FOXP1: variants seen among roughly 807,000 people sequenced by gnomAD.
The protein encoded by FOXP1 is forkhead box P1.
A neutral mutation model predicts 98.2 loss-of-function variants in FOXP1; 15 were observed. That is an observed-to-expected ratio of 0.15 (90% CI 0.10 to 0.24). The LOEUF (loss-of-function observed/expected upper bound fraction) is 0.24. FOXP1 is among the 10% of genes least tolerant of loss of function. FOXP1 has a pLI of 1.00. For missense variants in FOXP1, 633 were observed against 848.5 expected (o/e 0.75, Z 3.15); for synonymous variants, 371 against 314.5 (o/e 1.18, Z -1.90).
chr3:71,492,942 C>CA (rs879565865), intron 3 of FOXP1, among the ~76,000 whole-genome samples: 39 of 152,240 alleles, frequency 2.6e-4, no homozygotes, highest in South Asian at 1.7e-3. Context: ...AGAAGTCTTT[C>CA]AAAAAATCTT....
At chr3:71,410,262 T>G (rs1000291456) in intron 3 of FOXP1, among the ~76,000 whole-genome samples, 2 of 152,232 alleles carry the variant, frequency 1.3e-5, no homozygotes, top group Admixed American at 6.5e-5. Flanking sequence ...TCTACCAGAC[T>G]GAAGCTTCTG....
At chr3:71,064,056 T>C (rs1290359205) in intron 7 of FOXP1, among the ~76,000 whole-genome samples, 1 of 152,156 alleles carries the variant, frequency 6.6e-6, no homozygotes, top group African/African-American at 2.4e-5. Flanking sequence ...TTCCTCAGTC[T>C]GCTGCACGTC....
chr3:71,117,601 A>AAGAG (rs1261643245), intron 6 of FOXP1, among the ~76,000 whole-genome samples: 1 of 152,092 alleles, frequency 6.6e-6, no homozygotes, highest in African/African-American at 2.4e-5. Context: ...AAGCAGCAGA[A>AAGAG]AGAGAGAGAC....
At chr3:71,568,820 T>C (rs1240208529) in intron 2 of FOXP1, among the ~76,000 whole-genome samples, 2 of 152,146 alleles carry the variant, frequency 1.3e-5, no homozygotes, top group Non-Finnish European at 2.9e-5. Context: ...CTAATTTTTG[T>C]ATTTTTAGTA....
chr3:71,511,794 A>G (rs2042223374), intron 2 of FOXP1, among the ~76,000 whole-genome samples: 1 of 152,358 alleles, frequency 6.6e-6, no homozygotes, highest in East Asian at 1.9e-4. Context: ...TTTTTAAAAG[A>G]GAAACTTGAA....
chr3:70,977,315 C>T (rs563452615), intron 16 of FOXP1, among the ~76,000 whole-genome samples: 1 of 152,232 alleles, frequency 6.6e-6, no homozygotes, highest in African/African-American at 2.4e-5. Flanking sequence ...AAATGCAAAA[C>T]ATTTCACTAG....
intron 6 of FOXP1, among the ~76,000 whole-genome samples, chr3:71,129,334 C>A (rs1388945197): frequency 6.6e-6 from 1 of 152,136 alleles, no homozygotes; most frequent in African/African-American, 2.4e-5. Flanking sequence ...GCCACCATAG[C>A]GATAGCAATA....
intron 2 of FOXP1, among the ~76,000 whole-genome samples, chr3:71,544,160 A>G (rs1204250846): frequency 6.6e-6 from 1 of 152,002 alleles, no homozygotes; most frequent in Non-Finnish European, 1.5e-5. Context: ...ATGCCGTAGC[A>G]GTATTAAAAA....
At chr3:71,440,507 C>T (rs561460149) in intron 3 of FOXP1, among the ~76,000 whole-genome samples, 2 of 152,174 alleles carry the variant, frequency 1.3e-5, no homozygotes, top group South Asian at 2.1e-4. Flanking sequence ...GAAACCCCGT[C>T]TCTACTAAAA....
In FOXP1 at chr3:70,956,000, A is replaced by G. The variant is rs894080847; in HGVS notation, c.*3247T>C. The G allele has an allele frequency of 6.9e-5, 16 of 233,196 alleles. No homozygotes were observed. The highest frequency in any genetic ancestry group is 3.6e-4 in the South Asian group (2 of 5,538). The allele number at this position is 233,196 out of a possible 1,614,324, so 14.4% of individuals were successfully genotyped here. The stretch of plus-strand genomic sequence containing the variant: ...GTCATCCAATATTCTTAAAGCAAGG[A>G]TAACTAAATAAAATACATGTGCAGC... On this transcript the variant is annotated 3_prime_UTR_variant, in exon 21 of 21. Transcript: ENST00000649528.
intron 7 of FOXP1, 45 bp from the exon 8 acceptor site, chr3:71,053,818 G>C (rs768685608): frequency 6.2e-7 from 1 of 1,612,262 alleles, no homozygotes; most frequent in Non-Finnish European, 8.5e-7. Context: ...GAAATCAGAA[G>C]CACGCAGCCT....
intron 7 of FOXP1, among the ~76,000 whole-genome samples, chr3:71,109,486 C>T (rs1378322151): frequency 6.6e-6 from 1 of 151,848 alleles, no homozygotes; most frequent in African/African-American, 2.4e-5. Flanking sequence ...TCAAGCCTTC[C>T]TCTATGCAGA....
intron 12 of FOXP1, among the ~76,000 whole-genome samples, chr3:71,012,481 AT>A (rs765345411): frequency 1.6e-4 from 24 of 152,318 alleles, no homozygotes; most frequent in Non-Finnish European, 3.1e-4. Flanking sequence ...TCTAGAAGCA[AT>A]TTTGGACATC....
chr3:71,062,243 T>A (rs1046909332), intron 7 of FOXP1, among the ~76,000 whole-genome samples: 22 of 152,248 alleles, frequency 1.4e-4, no homozygotes, highest in African/African-American at 4.6e-4. Context: ...TGCCTTTAGA[T>A]GCATTATTTC....
At chr3:71,471,495 C>T (rs546869217) in intron 3 of FOXP1, among the ~76,000 whole-genome samples, 10 of 152,184 alleles carry the variant, frequency 6.6e-5, no homozygotes, top group African/African-American at 2.2e-4. Flanking sequence ...AGAGTACAAA[C>T]GAATGTTTTG....
chr3:71,127,835 C>T (rs563146174), intron 6 of FOXP1, among the ~76,000 whole-genome samples: 2 of 152,316 alleles, frequency 1.3e-5, no homozygotes, highest in East Asian at 3.9e-4. Context: ...TTTCTACAGA[C>T]AAAGGGCTCC....
In FOXP1 at chr3:71,241,999, A is replaced by T. The variant is rs192933568; in HGVS notation, c.-11-43607T>A. Among the ~76,000 whole-genome samples the T allele has an allele frequency of 1.0e-3, 156 of 152,320 alleles. 2 individuals carry two copies. Among genetic ancestry groups the T allele is most frequent in the Admixed American group, 8.0e-3 (122 of 15,304 alleles). On this transcript the variant is annotated intron_variant, in intron 5 of 20. Coordinates refer to ENST00000649528, the MANE Select transcript of FOXP1 (RefSeq NM_001349338.3). ...AAGAATGACATGGACTATTCTATTAATGTTAATATATGCTGATCATTTTCA... is the reference window on the plus strand; with the variant it reads ...AAGAATGACATGGACTATTCTATTATTGTTAATATATGCTGATCATTTTCA...
chr3:71,211,719 G>A (rs969499136), intron 5 of FOXP1, among the ~76,000 whole-genome samples: 3 of 152,160 alleles, frequency 2.0e-5, no homozygotes, highest in African/African-American at 7.2e-5. Flanking sequence ...CTCCTCCCCA[G>A]AATGAAAATC....
intron 2 of FOXP1, among the ~76,000 whole-genome samples, chr3:71,578,428 C>T (rs1037906095): frequency 2.6e-5 from 4 of 152,282 alleles, no homozygotes; most frequent in Admixed American, 1.3e-4. Context: ...TTGCTATACC[C>T]TGTAAATATT....
Sources: gnomAD v4.1 joint callset for allele counts (sites outside exome capture counted in the v4.1 genomes callset) on GRCh38, gnomAD v4.1.1 for gene constraint, MANE v1.5 for transcripts, NCBI Gene and HGNC (gene_info 2026-07-23, HGNC 2026-07-21) for gene names.